EPHA3: variants seen among roughly 807,000 people sequenced by gnomAD.
EPHA3 encodes the protein EPH receptor A3, also known as ephrin type-A receptor 3.
In EPHA3, 42 loss-of-function variants were observed where a neutral mutation model predicts 107.1. The ratio of observed to expected loss-of-function variants is 0.39; its 90% confidence interval spans 0.31 to 0.51. EPHA3 has a LOEUF of 0.51. EPHA3 is among the 20% of genes least tolerant of loss of function. The pLI is 0.78. For missense variants in EPHA3, 1,183 were observed against 1,211.2 expected, an observed-to-expected ratio of 0.98 and a Z score of 0.35; for synonymous variants, 461 against 424.8, an observed-to-expected ratio of 1.09 and a Z score of -1.05.
chr3:89,436,244 C>A (rs935632431), intron 13 of EPHA3, among the ~76,000 whole-genome samples: 1 of 152,172 alleles, frequency 6.6e-6, no homozygotes, highest in Non-Finnish European at 1.5e-5. Flanking sequence ...GCTTAGACAT[C>A]TGTCTTGTTT....
intron 2 of EPHA3, among the ~76,000 whole-genome samples, chr3:89,134,387 G>T (rs559059373): frequency 4.0e-5 from 6 of 151,614 alleles, no homozygotes; most frequent in Admixed American, 1.3e-4. Flanking sequence ...CCCACAACAG[G>T]CCCTGGTGTG....
chr3:89,394,810 C>G (rs1276823136), intron 5 of EPHA3, among the ~76,000 whole-genome samples: 1 of 152,106 alleles, frequency 6.6e-6, no homozygotes, highest in Non-Finnish European at 1.5e-5. Flanking sequence ...GTTAATGTAT[C>G]TAAAGATTCC....
At chr3:89,355,787 C>T (rs1371117291) in intron 5 of EPHA3, among the ~76,000 whole-genome samples, 1 of 148,632 alleles carries the variant, frequency 6.7e-6, no homozygotes, top group Non-Finnish European at 1.5e-5. Flanking sequence ...GAAATAGAAA[C>T]TCTTTTTTTT....
At chr3:89,379,915 C>T (rs1708467568) in intron 5 of EPHA3, among the ~76,000 whole-genome samples, 1 of 152,092 alleles carries the variant, frequency 6.6e-6, no homozygotes, top group Non-Finnish European at 1.5e-5. Context: ...TATGGGAGGT[C>T]TGGGATTTTG....
intron 3 of EPHA3, among the ~76,000 whole-genome samples, chr3:89,283,455 G>T (rs951900199): frequency 2.0e-5 from 3 of 152,046 alleles, no homozygotes; most frequent in Admixed American, 1.3e-4. Flanking sequence ...ACTGAATTAC[G>T]TATTTTTACT....
At chr3:89,425,823 C>T (rs1189543003) in intron 11 of EPHA3, among the ~76,000 whole-genome samples, 1 of 151,442 alleles carries the variant, frequency 6.6e-6, no homozygotes, top group Non-Finnish European at 1.5e-5. Flanking sequence ...ATCTGGAATT[C>T]TTAGACATTT....
At chr3:89,267,304 A>T (rs1705560882) in intron 3 of EPHA3, among the ~76,000 whole-genome samples, 1 of 152,152 alleles carries the variant, frequency 6.6e-6, no homozygotes, top group Admixed American at 6.5e-5. Context: ...AAGTACATTT[A>T]AAAAAGATGT....
At position 89,160,544 on chromosome 3, in the gene EPHA3, G is replaced by A. The variant is rs1704906222; in HGVS notation, c.153+33271G>A. Among the ~76,000 whole-genome samples the A allele has an allele frequency of 2.7e-5, 3 of 109,216 alleles. No individual in the cohort carries two copies. In the South Asian group the frequency reaches 1.1e-3, roughly 40 times the overall value. 71.6% of individuals were successfully genotyped at this position (109,216 alleles called of 152,430 possible). A position where few individuals can be genotyped will look rare whatever the true frequency, so the allele number is the denominator to read the frequency against. On this transcript the variant is annotated intron_variant, in intron 2 of 16. Coordinates refer to ENST00000336596, the MANE Select transcript of EPHA3 (RefSeq NM_005233.6). ...CACAAGTCAGAGAAAAGTAATATTA[G>A]ATTTTGTGTGTGTGTGTGTGTGTGT...
At chr3:89,379,994 C>T (rs1042144920) in intron 5 of EPHA3, among the ~76,000 whole-genome samples, 2 of 152,160 alleles carry the variant, frequency 1.3e-5, no homozygotes, top group African/African-American at 4.8e-5. Context: ...CAATTAGTCT[C>T]TATTGCACTT....
intron 5 of EPHA3, among the ~76,000 whole-genome samples, chr3:89,375,861 T>C (rs1345904741): frequency 1.3e-5 from 2 of 151,948 alleles, no homozygotes; most frequent in Admixed American, 6.6e-5. Context: ...ATAGGTTCCA[T>C]ATGCATTTGA....
At chr3:89,376,547 T>C (rs1427317331) in intron 5 of EPHA3, among the ~76,000 whole-genome samples, 2 of 152,014 alleles carry the variant, frequency 1.3e-5, no homozygotes, top group Non-Finnish European at 2.9e-5. Context: ...ATGATTCATA[T>C]GGTTTAAATA....
intron 3 of EPHA3, among the ~76,000 whole-genome samples, chr3:89,265,896 T>C (rs6777119): frequency 0.24 from 36,839 of 152,044 alleles, 4,915 homozygotes; most frequent in African/African-American, 0.37. Context: ...GGAAAAAATT[T>C]CTGTAAGATA....
At chr3:89,397,623 G>T (rs1250195755) in intron 6 of EPHA3, among the ~76,000 whole-genome samples, 1 of 110,196 alleles carries the variant, frequency 9.1e-6, no homozygotes, top group Admixed American at 1.2e-4. Flanking sequence ...CACTCTTGTT[G>T]CCCAGGCTGG....
intron 5 of EPHA3, among the ~76,000 whole-genome samples, chr3:89,382,046 C>T (rs888658774): frequency 6.6e-6 from 1 of 152,034 alleles, no homozygotes; most frequent in Non-Finnish European, 1.5e-5. Context: ...GCCAAATAGC[C>T]AGCTATTTCT....
At chr3:89,189,187 G>C (rs1412693360) in intron 2 of EPHA3, among the ~76,000 whole-genome samples, 1 of 152,188 alleles carries the variant, frequency 6.6e-6, no homozygotes, top group Non-Finnish European at 1.5e-5. Flanking sequence ...CTTATGAAAT[G>C]AGATGTATAC....
chr3:89,125,771 G>T (rs1704085083), intron 1 of EPHA3, among the ~76,000 whole-genome samples: 2 of 151,536 alleles, frequency 1.3e-5, no homozygotes, highest in Admixed American at 1.3e-4. Flanking sequence ...AAATTGTAGT[G>T]ATCAAGAGCC....
At chr3:89,194,323 G>T (rs934687366) in intron 2 of EPHA3, among the ~76,000 whole-genome samples, 1 of 151,916 alleles carries the variant, frequency 6.6e-6, no homozygotes, top group African/African-American at 2.4e-5. Flanking sequence ...GGCAAATCTC[G>T]TATTAAGTAT....
intron 3 of EPHA3, among the ~76,000 whole-genome samples, chr3:89,230,840 A>G (rs928932821): frequency 2.6e-5 from 4 of 151,408 alleles, no homozygotes; most frequent in Non-Finnish European, 4.4e-5. Context: ...ACACACACAC[A>G]CACACACACA....
intron 15 of EPHA3, among the ~76,000 whole-genome samples, chr3:89,467,731 C>G (rs191469331): frequency 1.3e-5 from 2 of 152,226 alleles, no homozygotes; most frequent in East Asian, 3.9e-4. Context: ...GAATAATTCA[C>G]AAATCTTAAT....
Sources: allele counts gnomAD v4.1 joint callset (sites outside exome capture counted in the v4.1 genomes callset), GRCh38; gene constraint gnomAD v4.1.1; transcripts MANE v1.5; gene names NCBI Gene and HGNC (gene_info 2026-07-23, HGNC 2026-07-21).